CNTN5: variants seen among roughly 807,000 people sequenced by gnomAD.
CNTN5 encodes contactin-5.
CNTN5 carries 77 observed loss-of-function variants against 129.1 expected under a neutral mutation model. That is an observed-to-expected ratio of 0.60 (90% CI 0.50 to 0.72). The LOEUF is 0.72. CNTN5 is among the 30% of genes least tolerant of loss of function. CNTN5 has a pLI of 0.00. For missense variants in CNTN5, 1,478 were observed against 1,328.8 expected (o/e 1.11, Z -1.75); for synonymous variants, 509 against 465.6 (o/e 1.09, Z -1.20).
intron 3 of CNTN5, among the ~76,000 whole-genome samples, chr11:99,736,262 TG>T (rs1179925446): frequency 6.6e-6 from 1 of 151,934 alleles, no homozygotes; most frequent in Non-Finnish European, 1.5e-5. Context: ...GTAAGCAGGG[TG>T]GGGTTAGCTA....
chr11:99,843,116 C>T (rs1466056241), intron 4 of CNTN5, among the ~76,000 whole-genome samples: 2 of 152,126 alleles, frequency 1.3e-5, no homozygotes, highest in African/African-American at 4.8e-5. Flanking sequence ...TGCAGCTACT[C>T]AGGTGGCTGT....
chr11:99,180,472 G>A (rs2135562741), intron 1 of CNTN5, among the ~76,000 whole-genome samples: 1 of 152,226 alleles, frequency 6.6e-6, no homozygotes, highest in African/African-American at 2.4e-5. Flanking sequence ...TTTGTGACTG[G>A]GCTCAAGGAA....
chr11:99,285,463 C>T (rs1349519419), intron 1 of CNTN5, among the ~76,000 whole-genome samples: 1 of 151,732 alleles, frequency 6.6e-6, no homozygotes, highest in African/African-American at 2.4e-5. Context: ...GAATGTGTGC[C>T]CTTGTTTTGA....
chr11:99,528,106 C>A (rs1241173135), intron 2 of CNTN5, among the ~76,000 whole-genome samples: 2 of 152,110 alleles, frequency 1.3e-5, no homozygotes, highest in Non-Finnish European at 2.9e-5. Flanking sequence ...TCATAAAACA[C>A]TAAATTCAGG....
chr11:99,132,894 GAA>G (rs369062137), intron 1 of CNTN5, among the ~76,000 whole-genome samples: 1 of 151,844 alleles, frequency 6.6e-6, no homozygotes. Context: ...CACAGTATTA[GAA>G]AAAAACTATT....
chr11:99,791,278 T>A (rs1945733092), intron 3 of CNTN5, among the ~76,000 whole-genome samples: 1 of 152,140 alleles, frequency 6.6e-6, no homozygotes, highest in African/African-American at 2.4e-5. Context: ...TAATTTTAGG[T>A]TTTGCATTTA....
intron 3 of CNTN5, among the ~76,000 whole-genome samples, chr11:99,710,593 G>A (rs1224809139): frequency 7.1e-6 from 1 of 141,388 alleles, no homozygotes; most frequent in African/African-American, 2.6e-5. Flanking sequence ...GTGTGTGTGT[G>A]TGTGTGTGTA....
At chr11:99,618,465 T>C (rs80110518) in intron 3 of CNTN5, among the ~76,000 whole-genome samples, 1 of 152,178 alleles carries the variant, frequency 6.6e-6, no homozygotes, top group African/African-American at 2.4e-5. Flanking sequence ...AAGCTTCATC[T>C]TCTGTGTAAT....
intron 2 of CNTN5, among the ~76,000 whole-genome samples, chr11:99,542,322 C>T (rs1948145803): frequency 6.6e-6 from 1 of 152,084 alleles, no homozygotes; most frequent in Non-Finnish European, 1.5e-5. Context: ...ATGCCTCCTC[C>T]CTTACACCCT....
At chr11:99,503,506 G>A (rs538245819) in intron 2 of CNTN5, among the ~76,000 whole-genome samples, 8 of 152,152 alleles carry the variant, frequency 5.3e-5, no homozygotes, top group Non-Finnish European at 7.3e-5. Flanking sequence ...TCACTTCCAG[G>A]AAGCTTTCTG....
chr11:99,517,415 A>G (rs1315598446), intron 2 of CNTN5, among the ~76,000 whole-genome samples: 3 of 151,990 alleles, frequency 2.0e-5, no homozygotes. Context: ...GCCCTTCAAC[A>G]TGTCTCCATT....
At chr11:99,235,061 G>A (rs1169134442) in intron 1 of CNTN5, among the ~76,000 whole-genome samples, 2 of 149,106 alleles carry the variant, frequency 1.3e-5, no homozygotes, top group Non-Finnish European at 3.0e-5. Flanking sequence ...TCTTTTTTTG[G>A]AAATCAAGTG....
At chr11:100,013,112 A>T (rs556724739) in intron 9 of CNTN5, among the ~76,000 whole-genome samples, 1 of 152,328 alleles carries the variant, frequency 6.6e-6, no homozygotes, top group East Asian at 1.9e-4. Context: ...ACATGTTCTC[A>T]CTTACAAATG....
chr11:100,060,689 G>A (rs996005630), intron 9 of CNTN5, among the ~76,000 whole-genome samples: 12 of 146,016 alleles, frequency 8.2e-5, no homozygotes, highest in Non-Finnish European at 3.0e-5. Context: ...GCCCAGGCTG[G>A]AGTGCAGTGG....
rs915421189 is a variant in CNTN5, at chr11:100,105,111, G to A, written c.1580+30817G>A. Among the ~76,000 whole-genome samples, 5 of 152,262 alleles carry A rather than the reference G, an allele frequency of 3.3e-5. No homozygotes were observed. In the South Asian group the frequency reaches 1.0e-3, roughly 32 times the overall value. On this transcript the variant is annotated intron_variant, in intron 13 of 24. Coordinates refer to ENST00000524871, the MANE Select transcript of CNTN5 (RefSeq NM_014361.4). ...TTTATAATGCTTATTTTGCAATTCAGGAAACTAATGTTCGAGGCTTAACTT... is the reference window on the plus strand; with the variant it reads ...TTTATAATGCTTATTTTGCAATTCAAGAAACTAATGTTCGAGGCTTAACTT...
At chr11:99,367,640 T>A (rs773049557) in intron 2 of CNTN5, among the ~76,000 whole-genome samples, 2 of 152,072 alleles carry the variant, frequency 1.3e-5, no homozygotes, top group Non-Finnish European at 2.9e-5. Flanking sequence ...TGTAGTAAGA[T>A]CAGTAATTTC....
intron 2 of CNTN5, among the ~76,000 whole-genome samples, chr11:99,444,721 T>C (rs1388174372): frequency 2.0e-5 from 3 of 152,084 alleles, no homozygotes; most frequent in Admixed American, 2.0e-4. Flanking sequence ...TGTATACATA[T>C]ATATTTGGCC....
At chr11:100,245,447 A>G (rs929378354) in intron 16 of CNTN5, among the ~76,000 whole-genome samples, 4 of 152,056 alleles carry the variant, frequency 2.6e-5, no homozygotes, top group African/African-American at 9.7e-5. Context: ...AATCCTTAGC[A>G]GGGGCACATG....
intron 13 of CNTN5, among the ~76,000 whole-genome samples, chr11:100,173,307 C>T (rs1284464537): frequency 6.6e-6 from 1 of 152,062 alleles, no homozygotes; most frequent in Non-Finnish European, 1.5e-5. Flanking sequence ...TTTTTCTTAA[C>T]CTAACCTTCC....
Sources: gnomAD v4.1 joint callset for allele counts (sites outside exome capture counted in the v4.1 genomes callset) on GRCh38, gnomAD v4.1.1 for gene constraint, MANE v1.5 for transcripts, NCBI Gene and HGNC (gene_info 2026-07-23, HGNC 2026-07-21) for gene names.